Variants in SAMMSON observed in about 807,000 individuals in gnomAD.
SAMMSON encodes survival associated mitochondrial melanoma specific oncogenic non-coding RNA.
At chr3:70,032,600 A>C (rs2067070263) in intron 3 of SAMMSON, among the ~76,000 whole-genome samples, 1 of 152,204 alleles carries the variant, frequency 6.6e-6, no homozygotes. Flanking sequence ...TCTATTAATG[A>C]GTTGATATCC....
chr3:70,356,411 A>G, intron 8 of SAMMSON, among the ~76,000 whole-genome samples: 1 of 152,122 alleles, frequency 6.6e-6, no homozygotes, highest in Non-Finnish European at 1.5e-5. Flanking sequence ...CAACTTAGGT[A>G]TACTAACAAA....
rs151099243 is a variant in SAMMSON, at chr3:70,353,383, TAAAC to T, written n.740-785_740-782del. On this transcript the variant is annotated intron_variant and non_coding_transcript_variant, in intron 7 of 9. Coordinates refer to ENST00000642114, the Ensembl canonical transcript of SAMMSON. ...AAAGAACTCAGAAAACTGCATTAAA[TAAAC>T]AAACAATTCAGTAGAAAATGGGTAA... is the stretch of plus-strand genomic sequence containing the variant. 9.7e-4 allele frequency among the ~76,000 whole-genome samples: 147 copies of T among 152,098 alleles called. 1 individual carries two copies. Among genetic ancestry groups the T allele is most frequent in the Admixed American group, 3.0e-3 (46 of 15,276 alleles).
intron 4 of SAMMSON, among the ~76,000 whole-genome samples, chr3:70,184,545 G>A (rs1471150988): frequency 6.6e-6 from 1 of 152,188 alleles, no homozygotes; most frequent in African/African-American, 2.4e-5. Flanking sequence ...ATTTTTGATA[G>A]TTAACACGTA....
intron 4 of SAMMSON, chr3:70,126,233 G>T (rs13327166): frequency 9.8e-7 from 1 of 1,019,322 alleles, no homozygotes; most frequent in South Asian, 1.4e-5. Context: ...TTTCTTTATC[G>T]TCTTCAACAG....
At chr3:70,282,571 G>A (rs1353601052) in intron 6 of SAMMSON, among the ~76,000 whole-genome samples, 3 of 152,120 alleles carry the variant, frequency 2.0e-5, no homozygotes, top group Admixed American at 6.5e-5. Context: ...GCAGTCTCCT[G>A]AATCAGGAAC....
At chr3:70,169,380 C>T (rs1268556158) in intron 4 of SAMMSON, among the ~76,000 whole-genome samples, 1 of 151,996 alleles carries the variant, frequency 6.6e-6, no homozygotes, top group Non-Finnish European at 1.5e-5. Flanking sequence ...TTGTGGCTTA[C>T]ACTTCAAAAC....
At chr3:70,124,549 A>G (rs190662835) in intron 4 of SAMMSON, among the ~76,000 whole-genome samples, 1 of 152,282 alleles carries the variant, frequency 6.6e-6, no homozygotes, top group East Asian at 1.9e-4. Context: ...ACCGTGGCTC[A>G]CGCCTGTAAT....
intron 4 of SAMMSON, among the ~76,000 whole-genome samples, chr3:70,102,901 C>G (rs889664824): frequency 1.3e-5 from 2 of 152,150 alleles, no homozygotes; most frequent in Non-Finnish European, 2.9e-5. Context: ...ATGTACAGTG[C>G]CTCTCTGTTG....
chr3:70,431,470 A>C (rs545613744), intron 2 of SAMMSON, among the ~76,000 whole-genome samples: 1 of 152,146 alleles, frequency 6.6e-6, no homozygotes, highest in South Asian at 2.1e-4. Flanking sequence ...AATCTCTAAA[A>C]GTAATAGAAA....
intron 7 of SAMMSON, among the ~76,000 whole-genome samples, chr3:70,336,795 G>C (rs1327715438): frequency 6.8e-6 from 1 of 147,164 alleles, no homozygotes; most frequent in Non-Finnish European, 1.5e-5. Context: ...TGTTAGAAGA[G>C]TTAAACATAA....
intron 4 of SAMMSON, among the ~76,000 whole-genome samples, chr3:70,148,428 G>T (rs1176595327): frequency 6.6e-6 from 1 of 152,078 alleles, no homozygotes; most frequent in African/African-American, 2.4e-5. Flanking sequence ...TTGTGCAATA[G>T]CTTGTACAAG....
intron 3 of SAMMSON, among the ~76,000 whole-genome samples, chr3:70,051,424 GTAAGTGCGGTTTTTGCCATTCT>G (rs1257764433): frequency 2.8e-5 from 4 of 144,414 alleles, no homozygotes; most frequent in African/African-American, 1.0e-4. Context: ...GGTGCAAAAA[GTAAGTGCGGTTTTTGCCATTCT>G]AATGGCAAAA....
At chr3:70,216,893 A>G (rs185900137) in intron 4 of SAMMSON, among the ~76,000 whole-genome samples, 42 of 152,246 alleles carry the variant, frequency 2.8e-4, no homozygotes, top group Non-Finnish European at 5.4e-4. Flanking sequence ...ATGCTGCTGA[A>G]CAACCTATTA....
chr3:70,086,802 G>A (rs182472255), intron 4 of SAMMSON, among the ~76,000 whole-genome samples: 52 of 152,270 alleles, frequency 3.4e-4, no homozygotes, highest in Admixed American at 2.3e-3. Flanking sequence ...GTTAACATGC[G>A]TTGAGCATTT....
At chr3:70,389,545 C>A (rs1373117701) in intron 9 of SAMMSON, 11 of 152,128 alleles carry the variant, frequency 7.2e-5, no homozygotes, top group Admixed American at 7.2e-4. Context: ...TGGCTGACAA[C>A]AATTTCTTCC....
intron 3 of SAMMSON, among the ~76,000 whole-genome samples, chr3:70,054,256 C>G (rs995713371): frequency 6.6e-6 from 1 of 152,128 alleles, no homozygotes; most frequent in African/African-American, 2.4e-5. Context: ...CATTTCAAAA[C>G]TGACAAGTGA....
chr3:70,321,036 C>T (rs548184746), intron 7 of SAMMSON, among the ~76,000 whole-genome samples: 14 of 152,090 alleles, frequency 9.2e-5, no homozygotes, highest in African/African-American at 3.1e-4. Context: ...CCAGTAAAGG[C>T]TTAGCAATTA....
At chr3:70,419,111 G>T (rs184911220) in intron 2 of SAMMSON, among the ~76,000 whole-genome samples, 2 of 151,682 alleles carry the variant, frequency 1.3e-5, no homozygotes, top group East Asian at 3.9e-4. Flanking sequence ...TGCAATCTCT[G>T]CCTCCTAGTG....
rs527486892 is a variant in SAMMSON at position 70,225,425 on chromosome 3, CT to C, written n.508-23675del. Among the ~76,000 whole-genome samples, 1,438 of 152,250 alleles carry C rather than the reference CT, an allele frequency of 9.4e-3. 22 individuals are homozygous for C. The highest frequency in any genetic ancestry group is 0.033 in the African/African-American group (1,355 of 41,546). On this transcript the variant is annotated intron_variant and non_coding_transcript_variant, in intron 4 of 9. Transcript: ENST00000642114. Reference sequence around the variant, plus strand: ...ACAATGCTTTATTATTCACATTGATCTTTTTTTATAGTGTTCTTTATCTCAA... The same window carrying C: ...ACAATGCTTTATTATTCACATTGATCTTTTTTATAGTGTTCTTTATCTCAA...
Sources: gnomAD v4.1 joint callset for allele counts (sites outside exome capture counted in the v4.1 genomes callset) on GRCh38, gnomAD v4.1.1 for gene constraint, MANE v1.5 for transcripts, NCBI Gene and HGNC (gene_info 2026-07-23, HGNC 2026-07-21) for gene names.